SCAI: variants seen among roughly 807,000 people sequenced by gnomAD.
SCAI encodes the protein protein SCAI.
In SCAI, 24 loss-of-function variants were observed where a neutral mutation model predicts 92.2. The ratio of observed to expected loss-of-function variants is 0.26; its 90% CI spans 0.19 to 0.37. SCAI has a LOEUF of 0.37. Among genes scored for constraint, SCAI ranks in the 10% least tolerant of loss-of-function variants. SCAI has a pLI of 1.00. For synonymous variants in SCAI, 261 were observed against 258.6 expected, an observed-to-expected ratio of 1.01 and a Z score of -0.09; for missense variants, 450 against 736.2, an observed-to-expected ratio of 0.61 and a Z score of 4.50.
intron 17 of SCAI, among the ~76,000 whole-genome samples, chr9:124,954,928 G>A (rs1320536976): frequency 6.6e-6 from 1 of 151,884 alleles, no homozygotes; most frequent in African/African-American, 2.4e-5. Context: ...CACACTGGGA[G>A]GCCAAAGCAG....
At chr9:124,985,106 C>T (rs1396515800) in intron 14 of SCAI, among the ~76,000 whole-genome samples, 2 of 152,162 alleles carry the variant, frequency 1.3e-5, no homozygotes, top group Non-Finnish European at 2.9e-5. Context: ...ATCCTCAGGG[C>T]TACAGCCTTT....
chr9:125,094,817 T>C (rs1395683168), intron 2 of SCAI, among the ~76,000 whole-genome samples: 2 of 152,168 alleles, frequency 1.3e-5, no homozygotes, highest in African/African-American at 4.8e-5. Flanking sequence ...TTATTTATTA[T>C]CTATCTCCAA....
chr9:125,132,745 G>A (rs893111956), intron 2 of SCAI, among the ~76,000 whole-genome samples: 3 of 152,148 alleles, frequency 2.0e-5, no homozygotes, highest in Admixed American at 6.5e-5. Flanking sequence ...AAGGCAGGCA[G>A]ATCACGAGGA....
intron 9 of SCAI, among the ~76,000 whole-genome samples, chr9:125,013,269 T>A (rs1832676294): frequency 6.6e-6 from 1 of 151,690 alleles, no homozygotes; most frequent in East Asian, 1.9e-4. Context: ...TCAACAAAAT[T>A]GATAGACTGC....
At chr9:124,975,838 AT>A (rs1831743629) in intron 15 of SCAI, among the ~76,000 whole-genome samples, 1 of 152,142 alleles carries the variant, frequency 6.6e-6, no homozygotes, top group Non-Finnish European at 1.5e-5. Context: ...TATAAAACAA[AT>A]TTTAAAATTT....
At chr9:124,979,921 G>T (rs181683276) in intron 14 of SCAI, among the ~76,000 whole-genome samples, 52 of 152,008 alleles carry the variant, frequency 3.4e-4, no homozygotes, top group African/African-American at 1.1e-3. Context: ...ATGGTGGCAG[G>T]TGCCTGTAGT....
chr9:125,119,964 A>G (rs1588239937), intron 2 of SCAI, among the ~76,000 whole-genome samples: 1 of 152,032 alleles, frequency 6.6e-6, no homozygotes, highest in Non-Finnish European at 1.5e-5. Flanking sequence ...CAAAAGTGAC[A>G]CTCCAGAGAG....
At chr9:125,047,706 T>A (rs1833474284) in intron 3 of SCAI, among the ~76,000 whole-genome samples, 1 of 152,198 alleles carries the variant, frequency 6.6e-6, no homozygotes, top group Non-Finnish European at 1.5e-5. Context: ...CAGCCACACA[T>A]GGCTACTAAG....
rs566076923 is a variant in SCAI, at chr9:124,962,050, C to G, written c.1675-9097G>C. Among the ~76,000 whole-genome samples the G allele has an allele frequency of 1.6e-4, 25 of 151,912 alleles. No homozygotes were observed. In the South Asian group the frequency reaches 5.0e-3, roughly 30 times the overall value. ...AAAGCTCTTTTGAAAATTATCAAACCCTTTTTTTGCCAGAATTTAATTCTC... is the reference window on the plus strand; with the variant it reads ...AAAGCTCTTTTGAAAATTATCAAACGCTTTTTTTGCCAGAATTTAATTCTC... On this transcript the variant is annotated intron_variant, in intron 17 of 17. Transcript: ENST00000336505.
chr9:125,096,849 A>G (rs1187928282), intron 2 of SCAI, among the ~76,000 whole-genome samples: 2 of 152,250 alleles, frequency 1.3e-5, no homozygotes, highest in Admixed American at 1.3e-4. Flanking sequence ...TATATGATAT[A>G]AACTATGCAA....
At chr9:125,108,457 A>G (rs1177112927) in intron 2 of SCAI, among the ~76,000 whole-genome samples, 1 of 145,556 alleles carries the variant, frequency 6.9e-6, no homozygotes, top group Non-Finnish European at 1.5e-5. Flanking sequence ...CCATCGTCTG[A>G]GATGTGGGGA....
rs1349256647 is a variant in SCAI, at chr9:124,952,206, A to G, written c.*601T>C. On this transcript the variant is annotated 3_prime_UTR_variant, in exon 18 of 18. Coordinates refer to ENST00000336505, the MANE Select transcript of SCAI (RefSeq NM_001144877.3). ...GTAATATTACCACCTCAAGTCCTCA[A>G]TCAAGATGTAGCTTTCAGATGCAAT... The G allele has an allele frequency of 2.0e-5, 3 of 152,218 alleles. No homozygotes were observed. Among genetic ancestry groups the G allele is most frequent in the Non-Finnish European group, 4.4e-5 (3 of 68,028 alleles). The allele number at this position is 152,218 out of a possible 1,614,324, so 9.4% of individuals were successfully genotyped here.
At chr9:125,115,469 C>G (rs902431607) in intron 2 of SCAI, among the ~76,000 whole-genome samples, 1 of 149,202 alleles carries the variant, frequency 6.7e-6, no homozygotes. Flanking sequence ...TAGACACAAA[C>G]CAACTGCCCA....
At chr9:125,054,633 A>G (rs1169671540) in intron 3 of SCAI, among the ~76,000 whole-genome samples, 3 of 152,194 alleles carry the variant, frequency 2.0e-5, no homozygotes, top group Non-Finnish European at 4.4e-5. Context: ...CATACCAAGG[A>G]AAACTTCTGA....
At chr9:125,076,393 G>A (rs1048487521) in intron 2 of SCAI, among the ~76,000 whole-genome samples, 1 of 152,026 alleles carries the variant, frequency 6.6e-6, no homozygotes, top group Non-Finnish European at 1.5e-5. Context: ...CAGCTACTCA[G>A]GAGGCTGAGA....
At chr9:125,056,191 C>T (rs141910967) in intron 2 of SCAI, among the ~76,000 whole-genome samples, 184 bp from the exon 3 acceptor site, 207 of 152,230 alleles carry the variant, frequency 1.4e-3, no homozygotes, top group African/African-American at 4.7e-3. Context: ...CTCAGTCGGG[C>T]GCAGTGGCTT....
chr9:125,026,777 A>C, intron 6 of SCAI, 35 bp downstream of exon 6: 9 of 1,053,202 alleles, frequency 8.5e-6, no homozygotes, highest in Non-Finnish European at 1.3e-5. Context: ...TGAATGTTTT[A>C]TCCTCATCTT....
At chr9:125,070,734 G>A (rs955929278) in intron 2 of SCAI, among the ~76,000 whole-genome samples, 2 of 152,060 alleles carry the variant, frequency 1.3e-5, no homozygotes, top group Non-Finnish European at 2.9e-5. Flanking sequence ...ACATGTTACT[G>A]AAGTTAAATT....
chr9:125,118,463 G>T (rs921458472), intron 2 of SCAI, among the ~76,000 whole-genome samples: 7 of 152,120 alleles, frequency 4.6e-5, no homozygotes, highest in African/African-American at 1.4e-4. Context: ...ACTACAGTGA[G>T]CTATGATCCT....
Sources: gnomAD v4.1 joint callset for allele counts (sites outside exome capture counted in the v4.1 genomes callset) on GRCh38, gnomAD v4.1.1 for gene constraint, MANE v1.5 for transcripts, NCBI Gene and HGNC (gene_info 2026-07-23, HGNC 2026-07-21) for gene names.